BPIFC: variants seen among roughly 807,000 people sequenced by gnomAD.
BPIFC encodes the protein BPI fold-containing family C protein.
A neutral mutation model predicts 57.6 loss-of-function variants in BPIFC; 60 were observed. The ratio of observed to expected loss-of-function variants is 1.04; its 90% CI spans 0.85 to 1.29. The LOEUF (loss-of-function observed/expected upper bound fraction) is 1.29. Among genes scored for constraint, BPIFC ranks in the 50% most tolerant of loss-of-function variants. The probability of loss-of-function intolerance (pLI) is 0.00; values close to 1 mark genes in which losing one functional copy is unlikely to be tolerated. For synonymous variants in BPIFC, 243 were observed against 224.5 expected, an observed-to-expected ratio of 1.08 and a Z score of -0.74; for missense variants, 581 against 600.5, an observed-to-expected ratio of 0.97 and a Z score of 0.34.
chr22:32,448,586 CTAGG>C (rs1352310456), intron 4 of BPIFC, among the ~76,000 whole-genome samples: 47 of 152,088 alleles, frequency 3.1e-4, no homozygotes, highest in Non-Finnish European at 1.2e-4. Flanking sequence ...AAAAGGGTAA[CTAGG>C]AGGCAGTGAG....
chr22:32,431,204 C>G (rs1016800249), intron 13 of BPIFC, 143 bp downstream of exon 13: 8 of 609,364 alleles, frequency 1.3e-5, no homozygotes, highest in Non-Finnish European at 2.3e-5. Context: ...ACCTCTGCCT[C>G]CCGGGTTCAA....
intron 4 of BPIFC, among the ~76,000 whole-genome samples, chr22:32,448,414 C>T (rs1179742783): frequency 2.0e-5 from 3 of 152,108 alleles, no homozygotes; most frequent in Admixed American, 6.5e-5. Context: ...ATACACATTA[C>T]AGGACATTTG....
At chr22:32,453,946 A>AC (rs1568959634) in intron 3 of BPIFC, among the ~76,000 whole-genome samples, 10 of 151,866 alleles carry the variant, frequency 6.6e-5, no homozygotes, top group African/African-American at 2.4e-4. Flanking sequence ...CAACAACAAA[A>AC]AAAAAAATTA....
chr22:32,431,047 A>G (rs1934223170), intron 13 of BPIFC, among the ~76,000 whole-genome samples: 1 of 152,062 alleles, frequency 6.6e-6, no homozygotes. Context: ...TAAAGTACAT[A>G]CTTTAAAGTT....
intron 13 of BPIFC, among the ~76,000 whole-genome samples, chr22:32,426,199 C>T (rs1283914380): frequency 6.6e-6 from 1 of 152,146 alleles, no homozygotes; most frequent in Non-Finnish European, 1.5e-5. Flanking sequence ...ATTTGGAGCC[C>T]CCGTGTTCCC....
intron 4 of BPIFC, among the ~76,000 whole-genome samples, chr22:32,450,247 A>G (rs1231270350): frequency 6.6e-6 from 1 of 152,154 alleles, no homozygotes; most frequent in Non-Finnish European, 1.5e-5. Context: ...TTACCATTGT[A>G]TTACAATTGC....
chr22:32,439,196 G>T (rs767196567), intron 8 of BPIFC, among the ~76,000 whole-genome samples: 21 of 151,886 alleles, frequency 1.4e-4, no homozygotes, highest in African/African-American at 1.9e-4. Flanking sequence ...GTGGTGGCAC[G>T]CGCCTGTAAT....
At chr22:32,437,925 C>G (rs373168537) in intron 8 of BPIFC, 74 bp from the exon 9 acceptor site, 1 of 784,046 alleles carries the variant, frequency 1.3e-6, no homozygotes, top group Admixed American at 2.6e-5. Context: ...TGATGTCTAT[C>G]TAGAACAATA....
intron 4 of BPIFC, among the ~76,000 whole-genome samples, chr22:32,447,781 AT>A (rs898344364): frequency 1.1e-4 from 16 of 150,882 alleles, no homozygotes; most frequent in African/African-American, 3.9e-4. Flanking sequence ...AATATTTTTT[AT>A]TTTTTTTGTA....
At chr22:32,436,509 A>G (rs1263125438) in intron 9 of BPIFC, among the ~76,000 whole-genome samples, 1 of 152,204 alleles carries the variant, frequency 6.6e-6, no homozygotes, top group Non-Finnish European at 1.5e-5. Flanking sequence ...CTAGAAACTC[A>G]GTAATGATGA....
At chr22:32,445,497 A>G (rs1934694722) in intron 7 of BPIFC, 138 bp downstream of exon 7, 2 of 891,944 alleles carry the variant, frequency 2.2e-6, no homozygotes, top group African/African-American at 3.4e-5. Context: ...AGATCGTGCC[A>G]CTGCACTCCA....
rs1392514246 is a variant in BPIFC, at chr22:32,455,050, C to CTTTTTTT, written c.125-1548_125-1547insAAAAAAA. Among the ~76,000 whole-genome samples the CTTTTTTT allele has an allele frequency of 1.0e-4, 14 of 134,174 alleles. 1 individual carries two copies. Among genetic ancestry groups the CTTTTTTT allele is most frequent in the East Asian group, 2.1e-4 (1 of 4,666 alleles). The allele number at this position is 134,174 out of a possible 152,430, so 88.0% of individuals were successfully genotyped here. On this transcript the variant is annotated intron_variant, in intron 3 of 16. Coordinates refer to ENST00000300399, the MANE Select transcript of BPIFC (RefSeq NM_174932.3). ...GTACTATAATTTTCATTTTCATCTC[C>CTTTTTTT]ATTTTTTTTTTTTTTTTTTGAGACA...
rs140500133 is a variant in BPIFC at position 32,453,079 on chromosome 22, C to A, written c.245+304G>T. Among the ~76,000 whole-genome samples the A allele has an allele frequency of 2.1e-4, 32 of 152,242 alleles. 1 individual carries two copies. In the East Asian group the frequency reaches 6.2e-3, roughly 29 times the overall value. The stretch of plus-strand genomic sequence containing the variant: ...CTGTCCATTGTTGGTTAGGCAGGAT[C>A]TTATTAGGGTAGAGCTTCAGAAAAA... On this transcript the variant is annotated intron_variant, in intron 4 of 16. Transcript: ENST00000300399.
chr22:32,453,430 C>T lies in BPIFC; in HGVS notation c.198G>A (p.Glu66=). The T allele has an allele frequency of 6.2e-7, 1 of 1,605,340 alleles. No individual in the cohort carries two copies. Among genetic ancestry groups the T allele is most frequent in the Non-Finnish European group, 8.5e-7 (1 of 1,177,918 alleles). Residue 66 remains glutamate, a synonymous_variant, in exon 4 of 17, where the codon GAG becomes GAA. Coordinates refer to ENST00000300399, the MANE Select transcript of BPIFC (RefSeq NM_174932.3). Reference sequence around the variant, plus strand: ...AATCAACTTTTAGAAATTCAAGAGACTCAGAACCGCTTAAATCTGGGAGTT... The same window carrying T: ...AATCAACTTTTAGAAATTCAAGAGATTCAGAACCGCTTAAATCTGGGAGTT... ...EKKLPDLSGS[E]SLEFLKVDYV...
At chr22:32,452,563 T>C (rs1934924425) in intron 4 of BPIFC, among the ~76,000 whole-genome samples, 1 of 150,954 alleles carries the variant, frequency 6.6e-6, no homozygotes, top group Non-Finnish European at 1.5e-5. Flanking sequence ...GGCATGAACC[T>C]GGAGGCAGAG....
intron 8 of BPIFC, among the ~76,000 whole-genome samples, chr22:32,440,914 T>A (rs954466754): frequency 1.3e-5 from 2 of 152,046 alleles, no homozygotes; most frequent in African/African-American, 2.4e-5. Flanking sequence ...TCCTGTCTAT[T>A]TTTTTTAGCA....
chr22:32,442,803 G>A, intron 7 of BPIFC, 72 bp from the exon 8 acceptor site: 1 of 1,428,904 alleles, frequency 7.0e-7, no homozygotes, highest in Non-Finnish European at 9.7e-7. Context: ...GATGGGCCTA[G>A]ACCCTGCAAA....
chr22:32,416,326 G>A (rs545251750), intron 15 of BPIFC, among the ~76,000 whole-genome samples: 3 of 152,116 alleles, frequency 2.0e-5, no homozygotes, highest in Admixed American at 6.5e-5. Context: ...CAGGTGATTC[G>A]CCTGCCTTGG....
Position 32,435,806 on chromosome 22 carries a change from G to A in BPIFC, c.822C>T (p.Ser274=). 6.2e-7 allele frequency: 1 copy of A among 1,614,188 alleles called. No individual in the cohort carries two copies. The highest frequency in any genetic ancestry group is 1.7e-5 in the Admixed American group (1 of 60,016). Reference sequence around the variant, plus strand: ...CGATTCCAATGTAGAGCATGGAGTTGCTGCGTTCTGGGAGCACAAAAGGAA... The same window carrying A: ...CGATTCCAATGTAGAGCATGGAGTTACTGCGTTCTGGGAGCACAAAAGGAA... ...SPVPFVLPER[S]NSMLYIGIAE... Residue 274 remains serine, a synonymous_variant, in exon 10 of 17, where the codon AGC becomes AGT. Coordinates refer to ENST00000300399, the MANE Select transcript of BPIFC (RefSeq NM_174932.3).
Sources: allele counts gnomAD v4.1 joint callset (sites outside exome capture counted in the v4.1 genomes callset), GRCh38; gene constraint gnomAD v4.1.1; transcripts MANE v1.5; gene names NCBI Gene and HGNC (gene_info 2026-07-23, HGNC 2026-07-21).